The following FGF14 variants were observed in gnomAD, a reference collection of about 807,000 sequenced individuals.
FGF14 encodes the protein fibroblast growth factor homologous factor 4.
Under a neutral mutation model 25.5 loss-of-function variants are expected in FGF14, and 5 were observed. That is an observed-to-expected ratio of 0.20 (90% CI 0.10 to 0.41). FGF14 has a LOEUF of 0.41. Among genes scored for constraint, FGF14 ranks in the 10% least tolerant of loss-of-function variants. FGF14 has a pLI of 1.00. For synonymous variants in FGF14, 138 were observed against 118.3 expected (o/e 1.17, Z -1.08); for missense variants, 222 against 320.1 (o/e 0.69, Z 2.34).
At chr13:101,911,028 T>C (rs983304583) in intron 1 of FGF14, among the ~76,000 whole-genome samples, 2 of 152,054 alleles carry the variant, frequency 1.3e-5, no homozygotes, top group South Asian at 4.2e-4. Context: ...AAGAAAAATA[T>C]AGAATTCCAT....
intron 1 of FGF14, among the ~76,000 whole-genome samples, chr13:101,930,656 T>A (rs2034692260): frequency 6.6e-6 from 1 of 152,224 alleles, no homozygotes; most frequent in Admixed American, 6.5e-5. Context: ...TATTTTACAC[T>A]GTAACAATCC....
chr13:102,228,425 G>T (rs1050138856), intron 1 of FGF14, among the ~76,000 whole-genome samples: 2 of 152,142 alleles, frequency 1.3e-5, no homozygotes, highest in Non-Finnish European at 2.9e-5. Flanking sequence ...TTACTCAGAG[G>T]TATTAATTGA....
intron 1 of FGF14, among the ~76,000 whole-genome samples, chr13:102,144,461 A>T (rs2046769524): frequency 6.6e-6 from 1 of 152,094 alleles, no homozygotes; most frequent in Admixed American, 6.6e-5. Flanking sequence ...TTTACATCAA[A>T]TTTATATTAA....
chr13:102,035,006 C>A (rs1224855104), intron 1 of FGF14, among the ~76,000 whole-genome samples: 1 of 152,056 alleles, frequency 6.6e-6, no homozygotes, highest in East Asian at 1.9e-4. Context: ...TGTTTCCACC[C>A]CATCACGCCA....
At position 102,287,289 on chromosome 13, in the gene FGF14, G is replaced by A. The variant is rs569547048; in HGVS notation, c.208+114182C>T. 1.9e-3 allele frequency among the ~76,000 whole-genome samples: 289 copies of A among 152,310 alleles called. 2 individuals carry two copies. The highest frequency in any genetic ancestry group is 6.4e-3 in the African/African-American group (264 of 41,560). ...TACACAGCATGCTTGCATGTACTGC[G>A]TCTGGTGTAATACTAAGACAATGAA... On this transcript the variant is annotated intron_variant, in intron 1 of 4. Transcript: ENST00000376131.
intron 1 of FGF14, among the ~76,000 whole-genome samples, chr13:102,204,974 C>T (rs934108054): frequency 6.6e-6 from 1 of 152,158 alleles, no homozygotes; most frequent in Non-Finnish European, 1.5e-5. Flanking sequence ...TGTCTTGGTA[C>T]AAGTTAGGTT....
chr13:102,040,647 G>C (rs9518615), intron 1 of FGF14, among the ~76,000 whole-genome samples: 66,152 of 152,024 alleles, frequency 0.44, 14,815 homozygotes, highest in East Asian at 0.73. Context: ...CTGTCAATGT[G>C]TTAATTTCCC....
At position 101,713,189 on chromosome 13, in the gene FGF14, T is replaced by C. The variant is rs1459399418; in HGVS notation, c.*9642A>G. On this transcript the variant is annotated 3_prime_UTR_variant, in exon 5 of 5. Coordinates refer to ENST00000376143, the MANE Select transcript of FGF14 (RefSeq NM_004115.4). ...GAAATGCATATACCAGTTTCCCTGATATGAAATATCACATAGTTGAGACAC... is the reference window on the plus strand; with the variant it reads ...GAAATGCATATACCAGTTTCCCTGACATGAAATATCACATAGTTGAGACAC... 3.9e-5 allele frequency: 6 copies of C among 152,242 alleles called. No homozygotes were observed. Among genetic ancestry groups the C allele is most frequent in the African/African-American group, 1.4e-4 (6 of 41,472 alleles). The allele number at this position is 152,242 out of a possible 1,614,324, so 9.4% of individuals were successfully genotyped here. A position where few individuals can be genotyped will look rare whatever the true frequency, so the allele number is the denominator to read the frequency against.
At chr13:102,034,113 A>G (rs1179965062) in intron 1 of FGF14, among the ~76,000 whole-genome samples, 1 of 152,118 alleles carries the variant, frequency 6.6e-6, no homozygotes, top group Non-Finnish European at 1.5e-5. Context: ...AAGACTGCAT[A>G]ATGTGGCAGC....
At chr13:102,154,005 A>G (rs1038387986) in intron 1 of FGF14, among the ~76,000 whole-genome samples, 1 of 152,188 alleles carries the variant, frequency 6.6e-6, no homozygotes. Flanking sequence ...TAAGAGTCAA[A>G]GGCAGACTTT....
intron 1 of FGF14, among the ~76,000 whole-genome samples, chr13:102,248,418 C>T (rs551110870): frequency 1.3e-5 from 2 of 152,156 alleles, no homozygotes; most frequent in South Asian, 4.2e-4. Context: ...GACAATGCTG[C>T]AGACATGCAT....
intron 1 of FGF14, among the ~76,000 whole-genome samples, chr13:102,145,789 C>T (rs2140477319): frequency 6.6e-6 from 1 of 152,188 alleles, no homozygotes; most frequent in East Asian, 1.9e-4. Context: ...ATGCATTTAG[C>T]ACAGAAATCC....
At chr13:102,313,617 T>C (rs2055881218) in intron 1 of FGF14, among the ~76,000 whole-genome samples, 1 of 151,946 alleles carries the variant, frequency 6.6e-6, no homozygotes, top group Non-Finnish European at 1.5e-5. Flanking sequence ...GGGAGGGGGG[T>C]AAGAGCTCAA....
chr13:102,072,777 CAAAG>C (rs980012754), intron 1 of FGF14, among the ~76,000 whole-genome samples: 8 of 151,970 alleles, frequency 5.3e-5, no homozygotes, highest in African/African-American at 1.5e-4. Context: ...AAAAGAAAAA[CAAAG>C]AAGTTAGGAA....
At chr13:102,084,545 G>A (rs545843505) in intron 1 of FGF14, among the ~76,000 whole-genome samples, 82 of 152,034 alleles carry the variant, frequency 5.4e-4, no homozygotes, top group African/African-American at 1.9e-3. Context: ...AATGATTAGC[G>A]TTATCTGCTA....
chr13:101,814,439 GC>G (rs2140201610), intron 3 of FGF14, among the ~76,000 whole-genome samples: 1 of 152,224 alleles, frequency 6.6e-6, no homozygotes, highest in South Asian at 2.1e-4. Flanking sequence ...CTAATTTTAC[GC>G]CATAAAATTT....
chr13:101,890,260 T>A lies in FGF14; in HGVS notation c.194-14964A>T, dbSNP rs576874113. Among the ~76,000 whole-genome samples the A allele has an allele frequency of 5.3e-5, 8 of 152,318 alleles. No homozygotes were observed. In the South Asian group the frequency reaches 1.7e-3, roughly 32 times the overall value. On this transcript the variant is annotated intron_variant, in intron 1 of 4. Coordinates refer to ENST00000376143, the MANE Select transcript of FGF14 (RefSeq NM_004115.4). ...AGGAGGTTTGGGTGCTTTTGTCTCATGACTTTCTTTCTTTCTTAAGCAGTC... is the reference window on the plus strand; with the variant it reads ...AGGAGGTTTGGGTGCTTTTGTCTCAAGACTTTCTTTCTTTCTTAAGCAGTC...
chr13:102,020,065 T>A (rs2040555307), intron 1 of FGF14, among the ~76,000 whole-genome samples: 1 of 152,122 alleles, frequency 6.6e-6, no homozygotes, highest in Admixed American at 6.5e-5. Flanking sequence ...TATAAAGCAG[T>A]CATTTGATAA....
intron 2 of FGF14, among the ~76,000 whole-genome samples, chr13:101,869,749 A>G (rs2044943593): frequency 6.6e-6 from 1 of 152,234 alleles, no homozygotes; most frequent in Non-Finnish European, 1.5e-5. Context: ...ATAGTGATGT[A>G]AGTGTAAGTA....
Sources: gnomAD v4.1 joint callset for allele counts (sites outside exome capture counted in the v4.1 genomes callset) on GRCh38, gnomAD v4.1.1 for gene constraint, MANE v1.5 for transcripts, NCBI Gene and HGNC (gene_info 2026-07-23, HGNC 2026-07-21) for gene names.